Variants in LCOR observed in about 807,000 individuals in gnomAD.
LCOR encodes ligand-dependent corepressor.
Under a neutral mutation model 64.4 loss-of-function variants are expected in LCOR, and 14 were observed. That is an observed-to-expected ratio of 0.22 (90% CI 0.14 to 0.34). LCOR has a LOEUF of 0.34. Ranked by LOEUF, LCOR falls within the 10% of genes least tolerant of loss-of-function variation. LCOR has a pLI of 1.00. For missense variants in LCOR, 1,686 were observed against 1,765.3 expected (o/e 0.96, Z 0.80); for synonymous variants, 643 against 642.5 (o/e 1.00, Z -0.01).
At chr10:96,844,669 A>G (rs1311372359) in intron 2 of LCOR, among the ~76,000 whole-genome samples, 1 of 152,082 alleles carries the variant, frequency 6.6e-6, no homozygotes, top group African/African-American at 2.4e-5. Flanking sequence ...CCACTGGCTT[A>G]ATTTTCCTTC....
chr10:96,841,162 A>G (rs930943113), intron 2 of LCOR, among the ~76,000 whole-genome samples: 1 of 152,194 alleles, frequency 6.6e-6, no homozygotes, highest in African/African-American at 2.4e-5. Flanking sequence ...AGAGAAGTTC[A>G]TCACAGTTGT....
intron 4 of LCOR, among the ~76,000 whole-genome samples, chr10:96,909,444 A>T (rs1168553516): frequency 6.6e-6 from 1 of 152,182 alleles, no homozygotes; most frequent in East Asian, 1.9e-4. Context: ...CACTGTTGTC[A>T]ATATTATCTG....
At chr10:96,832,754 C>G (rs1303588439) in intron 1 of LCOR, among the ~76,000 whole-genome samples, 2 of 150,964 alleles carry the variant, frequency 1.3e-5, no homozygotes, top group African/African-American at 2.4e-5. Context: ...GGCGCCGCCG[C>G]CGGCTTATTG....
At chr10:96,843,303 T>G (rs1166012746) in intron 2 of LCOR, among the ~76,000 whole-genome samples, 1 of 152,082 alleles carries the variant, frequency 6.6e-6, no homozygotes, top group Non-Finnish European at 1.5e-5. Context: ...TTTTGTTTTG[T>G]TTTGTTTTTG....
rs778177608 is a variant in LCOR, at chr10:96,955,339, A to G, written c.332+3143A>G. On this transcript the variant is annotated intron_variant, in intron 7 of 7. Coordinates refer to ENST00000421806, the MANE Select transcript of LCOR (RefSeq NM_001346516.2). ...AAAATGGCACTTCAAGCAAAACAAG[A>G]TGGAAAAAAGGATGTGAGCCATTCA... is the stretch of plus-strand genomic sequence containing the variant. 2.5e-6 allele frequency: 4 copies of G among 1,614,118 alleles called. No individual in the cohort carries two copies. The South Asian group carries it at 4.4e-5, about 18-fold the overall frequency.
At chr10:96,874,433 A>C (rs1846129654) in intron 2 of LCOR, among the ~76,000 whole-genome samples, 1 of 152,158 alleles carries the variant, frequency 6.6e-6, no homozygotes, top group Non-Finnish European at 1.5e-5. Context: ...ATTTTAGTGT[A>C]CTGCTTACTA....
At chr10:96,854,098 C>A (rs761947905) in intron 2 of LCOR, among the ~76,000 whole-genome samples, 1 of 152,096 alleles carries the variant, frequency 6.6e-6, no homozygotes, top group South Asian at 2.1e-4. Context: ...GACAGAAATA[C>A]GCAAAGAATT....
chr10:96,837,337 A>G (rs953263358), intron 2 of LCOR, among the ~76,000 whole-genome samples: 1 of 151,506 alleles, frequency 6.6e-6, no homozygotes, highest in Non-Finnish European at 1.5e-5. Context: ...GCTCACTGCA[A>G]CCTCCACCTC....
At chr10:96,877,769 GC>G (rs1846194394) in intron 2 of LCOR, among the ~76,000 whole-genome samples, 1 of 151,790 alleles carries the variant, frequency 6.6e-6, no homozygotes, top group Non-Finnish European at 1.5e-5. Flanking sequence ...CTGCCACCAT[GC>G]CCAGCTAATT....
chr10:96,914,776 T>A (rs558293273), intron 4 of LCOR, among the ~76,000 whole-genome samples: 4 of 152,128 alleles, frequency 2.6e-5, no homozygotes, highest in African/African-American at 9.7e-5. Flanking sequence ...ACCCTGACTT[T>A]AAGGAAGTGA....
intron 6 of LCOR, among the ~76,000 whole-genome samples, chr10:96,951,226 A>G (rs1847672785): frequency 6.6e-6 from 1 of 152,174 alleles, no homozygotes; most frequent in Non-Finnish European, 1.5e-5. Context: ...TTCAACAAGG[A>G]GAAAAACGTC....
chr10:96,834,156 T>C (rs1845399676), intron 2 of LCOR, among the ~76,000 whole-genome samples: 1 of 152,326 alleles, frequency 6.6e-6, no homozygotes, highest in East Asian at 1.9e-4. Context: ...CGAAAATGTA[T>C]AGCGTGAGTT....
At chr10:96,888,159 G>A (rs1314808826) in intron 2 of LCOR, among the ~76,000 whole-genome samples, 2 of 150,904 alleles carry the variant, frequency 1.3e-5, no homozygotes, top group Non-Finnish European at 3.0e-5. Flanking sequence ...GAGGTTAGGA[G>A]TTCGAGACCA....
intron 2 of LCOR, among the ~76,000 whole-genome samples, chr10:96,874,092 A>C (rs909121579): frequency 1.3e-5 from 2 of 152,168 alleles, no homozygotes; most frequent in African/African-American, 4.8e-5. Context: ...AAAACATTAG[A>C]TATAGTCCAA....
intron 7 of LCOR, chr10:96,957,941 A>G: frequency 2.0e-6 from 2 of 986,826 alleles, no homozygotes; most frequent in Non-Finnish European, 2.4e-6. Flanking sequence ...ATTCTACAAT[A>G]TTTTGTCACC....
intron 2 of LCOR, among the ~76,000 whole-genome samples, chr10:96,894,637 A>C (rs564259393): frequency 6.6e-6 from 1 of 152,336 alleles, no homozygotes; most frequent in South Asian, 2.1e-4. Context: ...ACATTGGTAC[A>C]GTTTAAAATT....
Position 96,863,804 on chromosome 10 carries a change from G to A in LCOR, c.-330+30325G>A, listed in dbSNP as rs1409839422. On this transcript the variant is annotated intron_variant, in intron 2 of 7. Transcript: ENST00000421806. ...CTAGTAAGTTTAAGTTGATATTTTT[G>A]GTTTGATTTAGTATGTTCTACAGAA... is the stretch of plus-strand genomic sequence containing the variant. 2.0e-5 allele frequency among the ~76,000 whole-genome samples: 3 copies of A among 152,232 alleles called. No individual in the cohort carries two copies. The East Asian group carries it at 5.8e-4, about 29-fold the overall frequency.
chr10:96,864,063 T>C (rs538992577), intron 2 of LCOR, among the ~76,000 whole-genome samples: 1 of 152,334 alleles, frequency 6.6e-6, no homozygotes, highest in East Asian at 1.9e-4. Context: ...AAATATTAAC[T>C]TGGCAGTAGT....
chr10:96,956,872 TAGACTAAGATATTCA>T (rs966293923), intron 7 of LCOR: 6 of 984,228 alleles, frequency 6.1e-6, no homozygotes, highest in Non-Finnish European at 6.0e-6. Flanking sequence ...TTGCAGCAAC[TAGACTAAGATATTCA>T]AGATCTCTTT....
Sources: gnomAD v4.1 joint callset for allele counts (sites outside exome capture counted in the v4.1 genomes callset) on GRCh38, gnomAD v4.1.1 for gene constraint, MANE v1.5 for transcripts, NCBI Gene and HGNC (gene_info 2026-07-23, HGNC 2026-07-21) for gene names.